The following FSTL5 variants were observed in gnomAD, a reference collection of about 807,000 sequenced individuals.
FSTL5 encodes follistatin-related protein 5.
In FSTL5, 62 loss-of-function variants were observed where a neutral mutation model predicts 89.1. That is an observed-to-expected ratio of 0.70 (90% CI 0.57 to 0.86). The LOEUF (loss-of-function observed/expected upper bound fraction) is 0.86. Among genes scored for constraint, FSTL5 ranks in the 40% least tolerant of loss-of-function variants. The pLI is 0.00. For missense variants in FSTL5, 1,057 were observed against 1,001.6 expected (o/e 1.06, Z -0.75); for synonymous variants, 383 against 346.2 (o/e 1.11, Z -1.18).
Position 161,834,292 on chromosome 4 carries a change from G to T in FSTL5, c.410-58218C>A, listed in dbSNP as rs570556437. ...ACTCTCAATAAATTAGGTATTGATGGGACGTATCTCAAAATAACAAGAGTT... is the reference window on the plus strand; with the variant it reads ...ACTCTCAATAAATTAGGTATTGATGTGACGTATCTCAAAATAACAAGAGTT... On this transcript the variant is annotated intron_variant, in intron 4 of 15. Coordinates refer to ENST00000306100, the MANE Select transcript of FSTL5 (RefSeq NM_020116.5). 3.3e-4 allele frequency among the ~76,000 whole-genome samples: 50 copies of T among 152,110 alleles called. No homozygotes were observed. In the South Asian group the frequency reaches 0.01, roughly 32 times the overall value.
At chr4:162,057,683 C>A (rs1738590046) in intron 2 of FSTL5, among the ~76,000 whole-genome samples, 1 of 152,122 alleles carries the variant, frequency 6.6e-6, no homozygotes, top group South Asian at 2.1e-4. Context: ...GTGGCTAATG[C>A]CTGTAATCCC....
At chr4:162,106,214 A>T (rs1158982197) in intron 2 of FSTL5, among the ~76,000 whole-genome samples, 1 of 152,234 alleles carries the variant, frequency 6.6e-6, no homozygotes, top group Non-Finnish European at 1.5e-5. Context: ...TAAGAGAACC[A>T]TAAGTCAATT....
intron 12 of FSTL5, among the ~76,000 whole-genome samples, chr4:161,491,628 G>T (rs1729877598): frequency 6.6e-6 from 1 of 151,962 alleles, no homozygotes; most frequent in Non-Finnish European, 1.5e-5. Flanking sequence ...ATCACCTGAG[G>T]TCAGGAGTTC....
At chr4:162,085,768 T>C (rs1412232755) in intron 2 of FSTL5, among the ~76,000 whole-genome samples, 1 of 152,124 alleles carries the variant, frequency 6.6e-6, no homozygotes, top group African/African-American at 2.4e-5. Flanking sequence ...CTCTGTCATT[T>C]GCATGGTGGT....
chr4:162,156,816 G>A (rs1357444225), intron 1 of FSTL5, among the ~76,000 whole-genome samples: 1 of 152,000 alleles, frequency 6.6e-6, no homozygotes, highest in Non-Finnish European at 1.5e-5. Context: ...TGGGTGGTGG[G>A]ATCACTCATA....
intron 13 of FSTL5, among the ~76,000 whole-genome samples, chr4:161,469,682 G>GA (rs1169347266): frequency 6.6e-6 from 1 of 150,742 alleles, no homozygotes; most frequent in African/African-American, 2.4e-5. Flanking sequence ...CTGTTGCCCA[G>GA]GCTGGAGTGC....
chr4:162,047,647 T>G (rs1032044422), intron 2 of FSTL5: 3 of 152,030 alleles, frequency 2.0e-5, no homozygotes, highest in African/African-American at 7.2e-5. Flanking sequence ...CTGGCCAACA[T>G]GGTGAAGCCC....
intron 3 of FSTL5, among the ~76,000 whole-genome samples, chr4:162,031,202 C>G: frequency 6.6e-6 from 1 of 152,064 alleles, no homozygotes; most frequent in Non-Finnish European, 1.5e-5. Context: ...ATTGGGGTTG[C>G]TGTCATTAGC....
chr4:162,141,350 C>T (rs1732739035), intron 1 of FSTL5, among the ~76,000 whole-genome samples: 1 of 87,500 alleles, frequency 1.1e-5, no homozygotes, highest in Admixed American at 1.0e-4. Flanking sequence ...CTCCTGACCT[C>T]GTGATCCGCC....
chr4:161,811,529 C>T (rs1449022977), intron 4 of FSTL5, among the ~76,000 whole-genome samples: 1 of 151,974 alleles, frequency 6.6e-6, no homozygotes, highest in Non-Finnish European at 1.5e-5. Context: ...TAAAATGACT[C>T]TATTGAGTAG....
intron 4 of FSTL5, among the ~76,000 whole-genome samples, chr4:161,817,270 T>C (rs359141): frequency 0.98 from 149,796 of 152,312 alleles, 73,702 homozygotes; most frequent in Non-Finnish European, 1. Context: ...ATAATTAAGT[T>C]AAAGGCCTAG....
intron 6 of FSTL5, among the ~76,000 whole-genome samples, chr4:161,672,528 T>C (rs920351200): frequency 6.6e-6 from 1 of 152,112 alleles, no homozygotes; most frequent in Non-Finnish European, 1.5e-5. Flanking sequence ...ATTTCATTCA[T>C]GCTTAAGAGA....
intron 6 of FSTL5, among the ~76,000 whole-genome samples, chr4:161,657,926 G>C (rs1022605784): frequency 5.9e-5 from 9 of 152,034 alleles, no homozygotes; most frequent in African/African-American, 1.9e-4. Flanking sequence ...CTAAAGTCAC[G>C]CTTATTTAAG....
intron 3 of FSTL5, among the ~76,000 whole-genome samples, chr4:162,025,026 T>C (rs1013096027): frequency 5.3e-5 from 8 of 151,998 alleles, no homozygotes; most frequent in Non-Finnish European, 8.8e-5. Context: ...TCCCCCAAAA[T>C]AAGGAAAATA....
intron 4 of FSTL5, among the ~76,000 whole-genome samples, chr4:161,904,842 A>C (rs577379933): frequency 6.6e-6 from 1 of 152,112 alleles, no homozygotes; most frequent in East Asian, 1.9e-4. Flanking sequence ...GGCTTTTAAA[A>C]AAGTAATTGG....
intron 6 of FSTL5, among the ~76,000 whole-genome samples, chr4:161,720,198 C>T (rs1190301852): frequency 1.4e-5 from 1 of 71,828 alleles, no homozygotes; most frequent in Admixed American, 2.1e-4. Context: ...CCCTACAACA[C>T]AATAGCAAAA....
intron 10 of FSTL5, among the ~76,000 whole-genome samples, chr4:161,526,679 C>G (rs1731230532): frequency 6.6e-6 from 1 of 152,128 alleles, no homozygotes; most frequent in African/African-American, 2.4e-5. Flanking sequence ...AGCCAGTTTT[C>G]CCAGCACCAT....
At position 161,466,548 on chromosome 4, in the gene FSTL5, A is replaced by G. The variant is rs76754702; in HGVS notation, c.1609-7229T>C. Among the ~76,000 whole-genome samples the G allele has an allele frequency of 3.6e-3, 554 of 152,264 alleles. 3 individuals carry two copies. The highest frequency in any genetic ancestry group is 0.012 in the African/African-American group (501 of 41,552). ...CTAATGGCTGGAGGAGACTGCTGATAATACTTAAGAGTACTCCCGGGGTGT... is the reference window on the plus strand; with the variant it reads ...CTAATGGCTGGAGGAGACTGCTGATGATACTTAAGAGTACTCCCGGGGTGT... On this transcript the variant is annotated intron_variant, in intron 13 of 15. Coordinates refer to ENST00000306100, the MANE Select transcript of FSTL5 (RefSeq NM_020116.5).
intron 4 of FSTL5, among the ~76,000 whole-genome samples, chr4:161,905,151 T>C (rs1474115772): frequency 6.6e-6 from 1 of 152,066 alleles, no homozygotes; most frequent in Non-Finnish European, 1.5e-5. Flanking sequence ...AAAATTAAAT[T>C]AGGAAAAATT....
Sources: gnomAD v4.1 joint callset for allele counts (sites outside exome capture counted in the v4.1 genomes callset) on GRCh38, gnomAD v4.1.1 for gene constraint, MANE v1.5 for transcripts, NCBI Gene and HGNC (gene_info 2026-07-23, HGNC 2026-07-21) for gene names.